ARHGAP21: variants seen among roughly 807,000 people sequenced by gnomAD.
ARHGAP21 encodes rho GTPase-activating protein 21.
A neutral mutation model predicts 164.6 loss-of-function variants in ARHGAP21; 38 were observed. That is an observed-to-expected ratio of 0.23 (90% CI 0.18 to 0.30). The LOEUF (loss-of-function observed/expected upper bound fraction) is 0.30. ARHGAP21 is among the 10% of genes least tolerant of loss of function. The pLI is 1.00. For missense variants in ARHGAP21, 1,822 were observed against 2,370.7 expected (o/e 0.77, Z 4.81); for synonymous variants, 766 against 857.9 (o/e 0.89, Z 1.87).
At chr10:24,667,774 CTGATTA>C (rs927911359) in intron 3 of ARHGAP21, among the ~76,000 whole-genome samples, 2 of 146,608 alleles carry the variant, frequency 1.4e-5, no homozygotes, top group African/African-American at 5.0e-5. Context: ...TTTTCTTCTT[CTGATTA>C]TAAGATCTAG....
chr10:24,604,077 A>G (rs1242073423), intron 12 of ARHGAP21, among the ~76,000 whole-genome samples: 2 of 152,160 alleles, frequency 1.3e-5, no homozygotes, highest in East Asian at 1.9e-4. Flanking sequence ...GGAAGCCACA[A>G]AATAATTTCC....
chr10:24,693,909 G>T (rs1009780405), intron 2 of ARHGAP21, among the ~76,000 whole-genome samples: 13 of 151,982 alleles, frequency 8.6e-5, no homozygotes, highest in Non-Finnish European at 1.9e-4. Context: ...CATTCATTTA[G>T]TATCTCTCTC....
In ARHGAP21 at chr10:24,585,674, G is replaced by A; in HGVS notation, c.4615C>T (p.Leu1539Phe). The A allele has an allele frequency of 6.2e-7, 1 of 1,614,168 alleles. No homozygotes were observed. The highest frequency in any genetic ancestry group is 1.7e-5 in the Admixed American group (1 of 60,024). ...CCAGAGTCAGAGCCTGTCTCTTCAA[G>A]GTGGGAGGACTTCTGTGCCAGAAGT... is the stretch of plus-strand genomic sequence containing the variant. ...RSLLAQKSSHLEETGSDSGTL... is the reference protein window; with the variant it reads ...RSLLAQKSSHFEETGSDSGTL... Residue 1539 changes from leucine to phenylalanine, a missense_variant, in exon 26 of 26, where the codon CTT becomes TTT. Leu to Phe is a conservative substitution (Grantham distance 22, BLOSUM62 0). Transcript: ENST00000396432.
At chr10:24,618,431 T>G (rs1834202175) in intron 9 of ARHGAP21, among the ~76,000 whole-genome samples, 1 of 151,996 alleles carries the variant, frequency 6.6e-6, no homozygotes, top group South Asian at 2.1e-4. Flanking sequence ...CGAAGATAAA[T>G]AAAAAAGCTT....
chr10:24,699,114 T>A (rs144166360), intron 2 of ARHGAP21, among the ~76,000 whole-genome samples: 128 of 152,298 alleles, frequency 8.4e-4, no homozygotes, highest in African/African-American at 2.9e-3. Context: ...TTCAGTACTG[T>A]GTATCTATCA....
chr10:24,696,937 T>C (rs966183515), intron 2 of ARHGAP21, among the ~76,000 whole-genome samples: 19 of 152,160 alleles, frequency 1.2e-4, no homozygotes, highest in African/African-American at 4.6e-4. Flanking sequence ...GTAGAAGATA[T>C]TGCTATAGGT....
chr10:24,622,518 A>G (rs1834683909), intron 8 of ARHGAP21, among the ~76,000 whole-genome samples: 1 of 145,680 alleles, frequency 6.9e-6, no homozygotes, highest in African/African-American at 2.5e-5. Context: ...CTGTAGCATC[A>G]GTTATGTACA....
chr10:24,693,958 T>C (rs1842944210), intron 2 of ARHGAP21, among the ~76,000 whole-genome samples: 2 of 152,216 alleles, frequency 1.3e-5, no homozygotes, highest in Non-Finnish European at 2.9e-5. Context: ...CAGACATACA[T>C]GTTCACCATT....
intron 2 of ARHGAP21, among the ~76,000 whole-genome samples, chr10:24,686,457 GATAA>G (rs1450767177): frequency 6.6e-6 from 1 of 151,738 alleles, no homozygotes; most frequent in Admixed American, 6.6e-5. Context: ...TAAAAATAAA[GATAA>G]ATAAACTCAA....
In ARHGAP21 at chr10:24,659,093, T is replaced by C. The variant is rs866835585; in HGVS notation, c.268+7892A>G. Among the ~76,000 whole-genome samples the C allele has an allele frequency of 9.2e-5, 14 of 152,186 alleles. 1 individual carries two copies. Among genetic ancestry groups the C allele is most frequent in the Admixed American group, 6.5e-4 (10 of 15,286 alleles). On this transcript the variant is annotated intron_variant, in intron 4 of 25. Coordinates refer to ENST00000396432, the MANE Select transcript of ARHGAP21 (RefSeq NM_020824.4). ...CCCTCATTCATTGCTGGTGGAGACA[T>C]AGAAATGGTATAGCCACTGTGGAAA... is the stretch of plus-strand genomic sequence containing the variant.
chr10:24,666,891 CA>C, intron 4 of ARHGAP21, 93 bp downstream of exon 4: 7 of 943,080 alleles, frequency 7.4e-6, no homozygotes, highest in African/African-American at 1.7e-5. Context: ...ATTTGAACAC[CA>C]AAAATTATAT....
intron 2 of ARHGAP21, among the ~76,000 whole-genome samples, chr10:24,692,300 A>G (rs1842818709): frequency 6.6e-6 from 1 of 152,238 alleles, no homozygotes; most frequent in South Asian, 2.1e-4. Flanking sequence ...TCAGTCTATC[A>G]TATGATACCT....
At chr10:24,656,397 T>C (rs1593187508) in intron 4 of ARHGAP21, among the ~76,000 whole-genome samples, 2 of 77,516 alleles carry the variant, frequency 2.6e-5, no homozygotes, top group African/African-American at 5.8e-5. Context: ...GGTGGGGGGG[T>C]CAGCCCTCCG....
intron 2 of ARHGAP21, among the ~76,000 whole-genome samples, chr10:24,697,580 G>C (rs1843280604): frequency 1.3e-5 from 2 of 152,092 alleles, no homozygotes; most frequent in South Asian, 4.1e-4. Context: ...GAGCTGGCCA[G>C]GCACGGTGGT....
intron 4 of ARHGAP21, among the ~76,000 whole-genome samples, chr10:24,664,088 G>T (rs1022740039): frequency 2.6e-5 from 4 of 152,244 alleles, no homozygotes; most frequent in African/African-American, 9.6e-5. Context: ...AAGAAGTGGT[G>T]TTGAAAATAT....
In ARHGAP21 at chr10:24,607,584, T is replaced by A; in HGVS notation, c.2599A>T (p.Ser867Cys). The A allele has an allele frequency of 1.9e-6, 3 of 1,614,102 alleles. No individual in the cohort carries two copies. The highest frequency in any genetic ancestry group is 2.5e-6 in the Non-Finnish European group (3 of 1,179,986). ...SHDHESVGPPSLDAQPNSKTE... is the reference protein window; with the variant it reads ...SHDHESVGPPCLDAQPNSKTE... ...TTTGAGTTGGGCTGAGCATCCAGGCTAGGAGGGCCAACAGATTCTGTAATT... is the reference window on the plus strand; with the variant it reads ...TTTGAGTTGGGCTGAGCATCCAGGCAAGGAGGGCCAACAGATTCTGTAATT... The change falls in exon 11 of 26, where the codon AGC becomes TGC. Residue 867 changes from serine to cysteine, a missense_variant. Around this residue, in one of 5 missense-constraint regions of ARHGAP21, gnomAD observed 1,090 missense variants for 1,378.9 expected, o/e 0.79. Transcript: ENST00000396432.
In ARHGAP21 at chr10:24,634,890, G is replaced by A. The variant is rs1836212616; in HGVS notation, c.361+121C>T. 3.5e-5 allele frequency: 24 copies of A among 676,810 alleles called. No homozygotes were observed. The East Asian group carries it at 7.0e-4, about 20-fold the overall frequency. 41.9% of individuals were successfully genotyped at this position (676,810 alleles called of 1,614,324 possible). ...GTTCTCAAAATTAGTAACAACAGAT[G>A]TGAAGGAAAAGGAAGAAGCATACAG... On this transcript the variant is annotated intron_variant, in intron 5 of 25. Coordinates refer to ENST00000396432, the MANE Select transcript of ARHGAP21 (RefSeq NM_020824.4).
intron 4 of ARHGAP21, chr10:24,648,920 A>T (rs1164868611): frequency 9.6e-6 from 9 of 934,264 alleles, no homozygotes; most frequent in Non-Finnish European, 1.1e-5. Context: ...CCTTTCCCAT[A>T]TTTTCCCACC....
chr10:24,591,307 T>G lies in ARHGAP21; in HGVS notation c.4068A>C (p.Thr1356=). 3 of 1,613,142 alleles carry G rather than the reference T, an allele frequency of 1.9e-6. No homozygotes were observed. The highest frequency in any genetic ancestry group is 1.7e-6 in the Non-Finnish European group (2 of 1,179,676). ...TGTTTGGCACTGGCTGGGAGTCTAC[T>G]GTGCTTTCCTCCTGCACTGTTGTCT... ...EPLTTVQEES[T]VDSQPVPNID... Residue 1356 remains threonine (T), a synonymous_variant, in exon 24 of 26, where the codon ACA becomes ACC. Coordinates refer to ENST00000396432, the MANE Select transcript of ARHGAP21 (RefSeq NM_020824.4).
Sources: gnomAD v4.1 joint callset for allele counts (sites outside exome capture counted in the v4.1 genomes callset) on GRCh38, gnomAD v4.1.1 for gene constraint, gnomAD v4.1.1 regional missense constraint, MANE v1.5 for transcripts, NCBI Gene and HGNC (gene_info 2026-07-23, HGNC 2026-07-21) for gene names.